The following CHD1L variants were observed in gnomAD, a reference collection of about 807,000 sequenced individuals.
CHD1L encodes the protein ATP-dependent chromatin remodeler CHD1L.
A neutral mutation model predicts 115.9 loss-of-function variants in CHD1L; 118 were observed. That is an observed-to-expected ratio of 1.02 (90% CI 0.88 to 1.19). The LOEUF is 1.19. Among genes scored for constraint, CHD1L ranks in the 50% most tolerant of loss-of-function variants. The probability of loss-of-function intolerance (pLI) is 0.00; values close to 1 mark genes in which losing one functional copy is unlikely to be tolerated. For synonymous variants in CHD1L, 411 were observed against 387.1 expected (o/e 1.06, Z -0.72); for missense variants, 1,179 against 1,065.3 (o/e 1.11, Z -1.49).
At chr1:147,181,151 G>A in the CHD1L span, among the ~76,000 whole-genome samples, 909 of 152,336 alleles carry the variant, frequency 6.0e-3, 4 homozygotes, top group Middle Eastern at 0.01. Context: ...AATAATTTAT[G>A]TAGCTATTGC....
chr1:147,203,451 C>T, the CHD1L span: 7 of 834,382 alleles, frequency 8.4e-6, no homozygotes, highest in Admixed American at 1.7e-5. Flanking sequence ...CCAACATGTC[C>T]GTTACAGCAG....
chr1:147,186,204 C>T, the CHD1L span: 2 of 493,842 alleles, frequency 4.0e-6, no homozygotes, highest in East Asian at 1.5e-4. Context: ...AAATTCTCAA[C>T]CAAGTTGATC....
the CHD1L span, among the ~76,000 whole-genome samples, chr1:147,199,474 C>A: frequency 2.0e-5 from 3 of 152,078 alleles, no homozygotes; most frequent in Admixed American, 2.0e-4. Flanking sequence ...GGAAGCTGGG[C>A]TTTTTGTACA....
chr1:147,210,008 T>A, the CHD1L span: 1 of 152,240 alleles, frequency 6.6e-6, no homozygotes, highest in Non-Finnish European at 1.5e-5. Context: ...CAGCAGATTA[T>A]CATCACTTCC....
chr1:147,233,402 G>A, the CHD1L span, among the ~76,000 whole-genome samples: 407 of 134,456 alleles, frequency 3.0e-3, no homozygotes, highest in East Asian at 9.3e-3. Flanking sequence ...CCGGCCAGCC[G>A]CCCCGTCCGG....
chr1:147,200,203 A>T, the CHD1L span, among the ~76,000 whole-genome samples: 2 of 152,162 alleles, frequency 1.3e-5, no homozygotes, highest in Non-Finnish European at 2.9e-5. Flanking sequence ...CTGATGTGTA[A>T]CCCTCAAGAT....
At chr1:147,236,201 A>G in the CHD1L span, among the ~76,000 whole-genome samples, 4 of 152,156 alleles carry the variant, frequency 2.6e-5, no homozygotes, top group Non-Finnish European at 5.9e-5. Flanking sequence ...TGGTGCCTGG[A>G]AGCTTGGAGA....
chr1:147,278,953 TA>T (rs1357995687), intron 14 of CHD1L, among the ~76,000 whole-genome samples: 1 of 151,976 alleles, frequency 6.6e-6, no homozygotes, highest in East Asian at 1.9e-4. Context: ...AAGTGAGCAA[TA>T]ACAAGGGAGA....
At chr1:147,272,966 G>A (rs1553954549) in intron 12 of CHD1L, among the ~76,000 whole-genome samples, 1 of 151,058 alleles carries the variant, frequency 6.6e-6, no homozygotes, top group Non-Finnish European at 1.5e-5. Flanking sequence ...TTGGGAGGCT[G>A]AGGTGGGTGG....
chr1:147,256,445 GT>G, intron 4 of CHD1L, 85 bp from the exon 5 acceptor site: 1 of 1,209,644 alleles, frequency 8.3e-7, no homozygotes. Flanking sequence ...AAATCCTATA[GT>G]TTAAGAGAGT....
intron 22 of CHD1L, among the ~76,000 whole-genome samples, chr1:147,295,079 C>A (rs587751700): frequency 1.6e-4 from 25 of 152,254 alleles, no homozygotes; most frequent in Admixed American, 1.2e-3. Flanking sequence ...CCCAAAATTA[C>A]TAGAGAAAGC....
Position 147,272,083 on chromosome 1 carries a change from T to C in CHD1L, c.1160-88T>C, listed in dbSNP as rs1553953649. 3 of 1,047,738 alleles carry C rather than the reference T, an allele frequency of 2.9e-6. 1 individual carries two copies. Among genetic ancestry groups the C allele is most frequent in the African/African-American group, 1.6e-5 (1 of 62,732 alleles). The allele number at this position is 1,047,738 out of a possible 1,614,324, so 64.9% of individuals were successfully genotyped here. A position where few individuals can be genotyped will look rare whatever the true frequency, so the allele number is the denominator to read the frequency against. Reference sequence around the variant, plus strand: ...TGCCTGTATATGGAAAGGGACAAAATTGGCCTTTGGTTTTGGGCTTAATTT... The same window carrying C: ...TGCCTGTATATGGAAAGGGACAAAACTGGCCTTTGGTTTTGGGCTTAATTT... On this transcript the variant is annotated intron_variant, in intron 11 of 22. Coordinates refer to ENST00000369258, the MANE Select transcript of CHD1L (RefSeq NM_004284.6).
At chr1:147,191,002 AG>A in the CHD1L span, among the ~76,000 whole-genome samples, 6 of 152,116 alleles carry the variant, frequency 3.9e-5, no homozygotes, top group Non-Finnish European at 7.3e-5. Flanking sequence ...GTCCCTACAA[AG>A]GACATGAACT....
At chr1:147,177,641 TC>T in the CHD1L span, among the ~76,000 whole-genome samples, 1 of 152,144 alleles carries the variant, frequency 6.6e-6, no homozygotes, top group African/African-American at 2.4e-5. Flanking sequence ...ATCTGTTTCC[TC>T]CCCGAAACTC....
At chr1:147,291,446 G>C (rs377701598) in intron 19 of CHD1L, 36 bp from the exon 20 acceptor site, 4 of 1,538,562 alleles carry the variant, frequency 2.6e-6, no homozygotes, top group Non-Finnish European at 3.6e-6. Flanking sequence ...AGTGAACTTG[G>C]TGTTCTTTAT....
chr1:147,284,699 G>T lies in CHD1L; in HGVS notation c.1854+200G>T, dbSNP rs1352692047. 3.9e-5 allele frequency among the ~76,000 whole-genome samples: 6 copies of T among 152,296 alleles called. No homozygotes were observed. In the East Asian group the frequency reaches 5.8e-4, roughly 15 times the overall value. On this transcript the variant is annotated intron_variant, in intron 16 of 22. Transcript: ENST00000369258. ...AAGTCAGCATGAAAAACATAAAGGA[G>T]AGAATATATTGTACGATGTCATGTA... is the stretch of plus-strand genomic sequence containing the variant.
rs587660795 is a variant in CHD1L, at chr1:147,244,734, T to C, written c.127+1904T>C. ...CAGTCTTCTTCAACATCATTCTTAA[T>C]GGTTACAGTTTTTCAGTATATGGAT... On this transcript the variant is annotated intron_variant, in intron 1 of 22. Transcript: ENST00000369258. 3.3e-5 allele frequency among the ~76,000 whole-genome samples: 5 copies of C among 152,296 alleles called. No individual in the cohort carries two copies. In the East Asian group the frequency reaches 9.6e-4, roughly 29 times the overall value.
At chr1:147,242,353 T>C (rs1467219005), upstream of CHD1L, among the ~76,000 whole-genome samples, 1 of 152,126 alleles carries the variant, frequency 6.6e-6, no homozygotes, top group Non-Finnish European at 1.5e-5. Context: ...CAGCGGAGTG[T>C]CTGACACATG....
chr1:147,218,634 C>T, the CHD1L span, among the ~76,000 whole-genome samples: 1 of 152,152 alleles, frequency 6.6e-6, no homozygotes, highest in Non-Finnish European at 1.5e-5. Flanking sequence ...CTCTTGATTC[C>T]ATATGGAAAA....
Sources: allele counts gnomAD v4.1 joint callset (sites outside exome capture counted in the v4.1 genomes callset), GRCh38; gene constraint gnomAD v4.1.1; transcripts MANE v1.5; gene names NCBI Gene and HGNC (gene_info 2026-07-23, HGNC 2026-07-21).